POLD3: variants seen among roughly 807,000 people sequenced by gnomAD.
The protein encoded by POLD3 is DNA polymerase delta subunit 3.
Under a neutral mutation model 58.2 loss-of-function variants are expected in POLD3, and 19 were observed. The observed-to-expected ratio is 0.33, with a 90% confidence interval of 0.23 to 0.48. The LOEUF (loss-of-function observed/expected upper bound fraction) is 0.48. POLD3 is among the 20% of genes least tolerant of loss of function. The pLI, the probability that POLD3 is intolerant of heterozygous loss-of-function variation, is 0.99. For synonymous variants in POLD3, 172 were observed against 193.5 expected (o/e 0.89, Z 0.92); for missense variants, 504 against 545.5 (o/e 0.92, Z 0.76).
intron 8 of POLD3, 130 bp downstream of exon 8, chr11:74,625,703 T>C (rs1227134080): frequency 9.3e-6 from 6 of 644,772 alleles, no homozygotes; most frequent in Non-Finnish European, 1.5e-5. Context: ...GATACAACTA[T>C]ACAACCAAAA....
intron 5 of POLD3, among the ~76,000 whole-genome samples, chr11:74,615,428 A>T (rs1267255141): frequency 6.6e-6 from 1 of 152,196 alleles, no homozygotes; most frequent in Admixed American, 6.5e-5. Flanking sequence ...GAAGCCAAGT[A>T]AGTTAGGAAG....
intron 7 of POLD3, 149 bp downstream of exon 7, chr11:74,620,238 TTGA>T: frequency 1.6e-6 from 1 of 635,742 alleles, no homozygotes; most frequent in East Asian, 2.7e-5. Context: ...GCCCAATATA[TTGA>T]TGAAAGTAAC....
intron 3 of POLD3, among the ~76,000 whole-genome samples, chr11:74,607,474 G>A (rs1006305570): frequency 6.6e-6 from 1 of 150,870 alleles, no homozygotes; most frequent in African/African-American, 2.4e-5. Flanking sequence ...CACCATATTA[G>A]CCAGGATGGT....
At position 74,625,613 on chromosome 11, in the gene POLD3, T is replaced by TG. The variant is rs762925980; in HGVS notation, c.899+45dup. ...TTGCTTATTGGGGAAGAGTCTTTAC[T>TG]GGGGGTGAGAAGGTCTCTTTGGGCT... On this transcript the variant is annotated intron_variant, in intron 8 of 11. Transcript: ENST00000263681. 2.6e-6 allele frequency: 4 copies of TG among 1,552,892 alleles called. No homozygotes were observed. The African/African-American group carries it at 5.5e-5, about 22-fold the overall frequency.
downstream of POLD3, among the ~76,000 whole-genome samples, chr11:74,645,526 G>T (rs2032988094): frequency 6.6e-6 from 1 of 152,174 alleles, no homozygotes; most frequent in Admixed American, 6.5e-5. Flanking sequence ...GAGGGCACTG[G>T]ATGCAAACCC....
At chr11:74,622,598 CAA>C (rs1483140511) in intron 7 of POLD3, among the ~76,000 whole-genome samples, 1 of 152,168 alleles carries the variant, frequency 6.6e-6, no homozygotes, top group Non-Finnish European at 1.5e-5. Flanking sequence ...CGACACATGA[CAA>C]GATCATTACA....
At chr11:74,603,828 G>T (rs189385769) in intron 2 of POLD3, among the ~76,000 whole-genome samples, 2 of 152,236 alleles carry the variant, frequency 1.3e-5, no homozygotes, top group Admixed American at 6.5e-5. Flanking sequence ...GTATATTATA[G>T]ACAGATTGTA....
At chr11:74,611,170 T>TA (rs1240704536) in intron 3 of POLD3, among the ~76,000 whole-genome samples, 2 of 152,252 alleles carry the variant, frequency 1.3e-5, no homozygotes, top group Admixed American at 6.5e-5. Context: ...CATGTGATTA[T>TA]ACAGTAATTC....
At position 74,641,475 on chromosome 11, in the gene POLD3, A is replaced by G. The variant is rs2032911625; in HGVS notation, c.*709A>G. 1 of 985,426 alleles carries G rather than the reference A, an allele frequency of 1.0e-6. No homozygotes were observed. The highest frequency in any genetic ancestry group is 1.2e-6 in the Non-Finnish European group (1 of 829,944). The allele number at this position is 985,426 out of a possible 1,614,324, so 61.0% of individuals were successfully genotyped here. On this transcript the variant is annotated 3_prime_UTR_variant, in exon 12 of 12. Coordinates refer to ENST00000263681, the MANE Select transcript of POLD3 (RefSeq NM_006591.3). ...GCAGAACACAAATAGAAATTTAATG[A>G]TGTGTTCAACTCCACCAGAAATTAC...
At chr11:74,596,156 T>C (rs1336638362) in intron 2 of POLD3, among the ~76,000 whole-genome samples, 1 of 147,834 alleles carries the variant, frequency 6.8e-6, no homozygotes, top group Non-Finnish European at 1.5e-5. Flanking sequence ...TACAAGCCAC[T>C]GTGCCCGGCC....
At position 74,642,961 on chromosome 11, in the gene POLD3, A is replaced by G; in HGVS notation, c.*2195A>G. Reference sequence around the variant, plus strand: ...GTTCATCTAGAAGAAAATCTAGCACATTGTATTAGTTTGGCTTCATCACTT... The same window carrying G: ...GTTCATCTAGAAGAAAATCTAGCACGTTGTATTAGTTTGGCTTCATCACTT... On this transcript the variant is annotated 3_prime_UTR_variant, in exon 12 of 12. Transcript: ENST00000263681. The G allele has an allele frequency of 1.0e-6, 1 of 983,796 alleles. No homozygotes were observed. The highest frequency in any genetic ancestry group is 1.2e-6 in the Non-Finnish European group (1 of 828,460). 60.9% of individuals were successfully genotyped at this position (983,796 alleles called of 1,614,324 possible).
intron 4 of POLD3, among the ~76,000 whole-genome samples, chr11:74,666,767 A>C (rs554026166): frequency 6.6e-6 from 1 of 152,266 alleles, no homozygotes; most frequent in South Asian, 2.1e-4. Context: ...GCAAGGGACC[A>C]AGAACAGTCA....
Position 74,642,664 on chromosome 11 carries a change from CTT to C in POLD3, c.*1902_*1903del. On this transcript the variant is annotated 3_prime_UTR_variant, in exon 12 of 12. Coordinates refer to ENST00000263681, the MANE Select transcript of POLD3 (RefSeq NM_006591.3). ...AAGTATTGAGTGGTGTTTTTTTTTT[CTT>C]TTTATACAATACCATGTTAACCACA... 1.0e-6 allele frequency: 1 copy of C among 966,768 alleles called. No homozygotes were observed. The highest frequency in any genetic ancestry group is 1.2e-6 in the Non-Finnish European group (1 of 814,672). 59.9% of individuals were successfully genotyped at this position (966,768 alleles called of 1,614,324 possible).
chr11:74,612,424 GTGTT>G (rs1207601173), intron 4 of POLD3, among the ~76,000 whole-genome samples: 6 of 152,076 alleles, frequency 3.9e-5, no homozygotes, highest in African/African-American at 1.4e-4. Flanking sequence ...GTGTTCTTTT[GTGTT>G]TCTCTTCCGT....
intron 4 of POLD3, 68 bp downstream of exon 4, chr11:74,611,606 GCCT>G (rs1466344673): frequency 1.2e-6 from 1 of 806,070 alleles, no homozygotes; most frequent in African/African-American, 1.8e-5. Flanking sequence ...TAAAAAATCT[GCCT>G]CTAACATCTG....
At chr11:74,599,238 A>C (rs1428298932) in intron 2 of POLD3, among the ~76,000 whole-genome samples, 1 of 152,016 alleles carries the variant, frequency 6.6e-6, no homozygotes, top group Non-Finnish European at 1.5e-5. Flanking sequence ...TGCTGTGTTG[A>C]CCAGGCTGGT....
intron 1 of POLD3, chr11:74,593,047 G>T: frequency 8.8e-7 from 1 of 1,132,552 alleles, no homozygotes; most frequent in Non-Finnish European, 1.1e-6. Context: ...GGTGGTTGGC[G>T]TTTAAAGTTT....
Position 74,642,335 on chromosome 11 carries a change from A to G in POLD3, c.*1569A>G. ...ACCCTTCTTTTTAAAAGGAAAAAGGATGGAGAGAAGGATGGAAAGCCTGGA... is the reference window on the plus strand; with the variant it reads ...ACCCTTCTTTTTAAAAGGAAAAAGGGTGGAGAGAAGGATGGAAAGCCTGGA... On this transcript the variant is annotated 3_prime_UTR_variant, in exon 12 of 12. Transcript: ENST00000263681. The G allele has an allele frequency of 2.0e-6, 2 of 985,384 alleles. No individual in the cohort carries two copies. The highest frequency in any genetic ancestry group is 2.4e-6 in the Non-Finnish European group (2 of 829,870). The allele number at this position is 985,384 out of a possible 1,614,324, so 61.0% of individuals were successfully genotyped here.
At chr11:74,637,336 A>C (rs1017605658) in intron 11 of POLD3, among the ~76,000 whole-genome samples, 3 of 151,946 alleles carry the variant, frequency 2.0e-5, no homozygotes, top group African/African-American at 7.3e-5. Context: ...TTGGGGAGTA[A>C]AATTCTTTAC....
Sources: allele counts gnomAD v4.1 joint callset (sites outside exome capture counted in the v4.1 genomes callset), GRCh38; gene constraint gnomAD v4.1.1; transcripts MANE v1.5; gene names NCBI Gene and HGNC (gene_info 2026-07-23, HGNC 2026-07-21).